RAB20: variants seen among roughly 807,000 people sequenced by gnomAD.
RAB20 encodes the protein ras-related protein Rab-20.
A neutral mutation model predicts 3.7 loss-of-function variants in RAB20; 2 were observed. The observed-to-expected ratio is 0.54, with a 90% confidence interval of 0.22 to 1.69. RAB20 has a LOEUF of 1.69. Ranked by LOEUF, RAB20 falls within the 40% of genes most tolerant of loss-of-function variation. The pLI, the probability that RAB20 is intolerant of heterozygous loss-of-function variation, is 0.19. For missense variants in RAB20, 276 were observed against 311.9 expected (o/e 0.88, Z 0.87); for synonymous variants, 126 against 130.8 (o/e 0.96, Z 0.25).
In RAB20 at chr13:110,523,960, G is replaced by A; in HGVS notation, c.410C>T (p.Ala137Val). The A allele has an allele frequency of 6.2e-7, 1 of 1,614,190 alleles. No homozygotes were observed. The highest frequency in any genetic ancestry group is 8.5e-7 in the Non-Finnish European group (1 of 1,180,046). ...TGCCCTTGGGGAGACACGGTCCCCAGCGTCCATATTGGGACTGCACTCTTC... is the reference window on the plus strand; with the variant it reads ...TGCCCTTGGGGAGACACGGTCCCCAACGTCCATATTGGGACTGCACTCTTC... ...EKEECSPNMD[A>V]GDRVSPRAPK... The change falls in exon 2 of 2, where the codon GCT becomes GTT. Residue 137 changes from alanine to valine, a missense_variant. Coordinates refer to ENST00000267328, the MANE Select transcript of RAB20 (RefSeq NM_017817.3).
intron 1 of RAB20, among the ~76,000 whole-genome samples, chr13:110,546,258 G>A (rs1884847592): frequency 6.6e-6 from 1 of 152,154 alleles, no homozygotes; most frequent in Admixed American, 6.5e-5. Context: ...AACTGTCCCT[G>A]GAAATAAGGT....
At chr13:110,553,543 A>G (rs1594139248) in intron 1 of RAB20, among the ~76,000 whole-genome samples, 1 of 152,164 alleles carries the variant, frequency 6.6e-6, no homozygotes, top group African/African-American at 2.4e-5. Flanking sequence ...CAATGACTCA[A>G]CTCTGCCATT....
chr13:110,527,294 T>G (rs1370187435), intron 1 of RAB20, among the ~76,000 whole-genome samples: 6 of 151,570 alleles, frequency 4.0e-5, no homozygotes, highest in Non-Finnish European at 8.8e-5. Flanking sequence ...CACACACTCA[T>G]GTCCTGTGAG....
At chr13:110,559,545 G>A (rs184608686) in intron 1 of RAB20, among the ~76,000 whole-genome samples, 26 of 152,330 alleles carry the variant, frequency 1.7e-4, no homozygotes, top group African/African-American at 6.0e-4. Context: ...GGCAAGGGCC[G>A]CCTGAGTGTG....
At chr13:110,531,773 G>C (rs1360981298) in intron 1 of RAB20, among the ~76,000 whole-genome samples, 1 of 152,184 alleles carries the variant, frequency 6.6e-6, no homozygotes, top group Non-Finnish European at 1.5e-5. Flanking sequence ...GGGCGCTTTT[G>C]CAGTGGACCA....
intron 1 of RAB20, among the ~76,000 whole-genome samples, chr13:110,535,464 G>A (rs1884623597): frequency 1.3e-5 from 2 of 152,242 alleles, no homozygotes; most frequent in South Asian, 4.1e-4. Flanking sequence ...CACTTCGTGG[G>A]TCACGTCTTC....
chr13:110,549,777 G>C (rs1884919522), intron 1 of RAB20, among the ~76,000 whole-genome samples: 1 of 151,530 alleles, frequency 6.6e-6, no homozygotes, highest in Non-Finnish European at 1.5e-5. Context: ...CTGGAGTGCA[G>C]TGGCACAATC....
intron 1 of RAB20, among the ~76,000 whole-genome samples, chr13:110,553,155 AG>A (rs1379561260): frequency 3.3e-5 from 5 of 152,244 alleles, no homozygotes; most frequent in Non-Finnish European, 7.3e-5. Context: ...CGAAGTCCTC[AG>A]TAGAGGTGAC....
chr13:110,536,884 C>T (rs1448358850), intron 1 of RAB20, among the ~76,000 whole-genome samples: 1 of 150,528 alleles, frequency 6.6e-6, no homozygotes, highest in Non-Finnish European at 1.5e-5. Context: ...CACCCATTAA[C>T]TCATCATTTA....
chr13:110,531,909 C>T (rs2025905), intron 1 of RAB20, among the ~76,000 whole-genome samples: 2 of 152,048 alleles, frequency 1.3e-5, no homozygotes, highest in Non-Finnish European at 2.9e-5. Flanking sequence ...GAAGTCAGCA[C>T]CCACAGTAAT....
Position 110,561,595 on chromosome 13 carries a change from G to T in RAB20, c.-76C>A. On this transcript the variant is annotated 5_prime_UTR_variant, in exon 1 of 2. Transcript: ENST00000267328. Reference sequence around the variant, plus strand: ...GGCTCGTGCGCCCTGGGCGCAGCTGGAGGAGCGGACCCCGGACTCGCCGGG... The same window carrying T: ...GGCTCGTGCGCCCTGGGCGCAGCTGTAGGAGCGGACCCCGGACTCGCCGGG... 1 of 1,492,194 alleles carries T rather than the reference G, an allele frequency of 6.7e-7. No individual in the cohort carries two copies. Among genetic ancestry groups the T allele is most frequent in the Non-Finnish European group, 8.9e-7 (1 of 1,124,138 alleles). The allele number at this position is 1,492,194 out of a possible 1,614,324, so 92.4% of individuals were successfully genotyped here.
intron 1 of RAB20, among the ~76,000 whole-genome samples, chr13:110,533,668 C>G (rs149907779): frequency 5.6e-4 from 86 of 152,222 alleles, no homozygotes; most frequent in African/African-American, 2.0e-3. Flanking sequence ...GCCCGGGCAG[C>G]AGAGCAAGAC....
chr13:110,550,618 T>C (rs57117787), intron 1 of RAB20, among the ~76,000 whole-genome samples: 3,351 of 152,282 alleles, frequency 0.022, 123 homozygotes, highest in African/African-American at 0.076. Flanking sequence ...GTGTCAATGA[T>C]GGCTGTGGCG....
In RAB20 at chr13:110,548,432, C is replaced by T. The variant is rs149022193; in HGVS notation, c.172+12916G>A. On this transcript the variant is annotated intron_variant, in intron 1 of 1. Coordinates refer to ENST00000267328, the MANE Select transcript of RAB20 (RefSeq NM_017817.3). The stretch of plus-strand genomic sequence containing the variant: ...CTGGGAGGTGGAGGTTGCAGTGAGC[C>T]GAGATCACACCACTGTACTCCAGCC... Among the ~76,000 whole-genome samples the T allele has an allele frequency of 4.1e-3, 612 of 150,926 alleles. 3 individuals are homozygous for T. The highest frequency in any genetic ancestry group is 0.014 in the African/African-American group (580 of 41,056).
At position 110,552,570 on chromosome 13, in the gene RAB20, G is replaced by A. The variant is rs574997850; in HGVS notation, c.172+8778C>T. 2.1e-5 allele frequency among the ~76,000 whole-genome samples: 3 copies of A among 144,838 alleles called. No homozygotes were observed. The South Asian group carries it at 6.7e-4, about 32-fold the overall frequency. On this transcript the variant is annotated intron_variant, in intron 1 of 1. Coordinates refer to ENST00000267328, the MANE Select transcript of RAB20 (RefSeq NM_017817.3). ...TAGCTGGGCGCGGTGGCGGGCGCCT[G>A]TAGTCCCAGCTACTCAGGAGGCTGA... is the stretch of plus-strand genomic sequence containing the variant.
chr13:110,523,548 T>C lies in RAB20; in HGVS notation c.*117A>G, dbSNP rs1348995854. On this transcript the variant is annotated 3_prime_UTR_variant, in exon 2 of 2. Transcript: ENST00000267328. ...CATCATTTCCACTCCAACATTCTGC[T>C]GCGGGTGTCATTCTGGAAAATAATT... is the stretch of plus-strand genomic sequence containing the variant. 8.1e-6 allele frequency: 12 copies of C among 1,475,436 alleles called. No homozygotes were observed. The highest frequency in any genetic ancestry group is 9.0e-7 in the Non-Finnish European group (1 of 1,110,872). The allele number at this position is 1,475,436 out of a possible 1,614,324, so 91.4% of individuals were successfully genotyped here. A position where few individuals can be genotyped will look rare whatever the true frequency, so the allele number is the denominator to read the frequency against.
intron 1 of RAB20, among the ~76,000 whole-genome samples, chr13:110,551,918 CAAAA>C (rs3074410): frequency 3.0e-5 from 3 of 100,968 alleles, no homozygotes; most frequent in African/African-American, 3.1e-5. Context: ...CCTGTCTCTA[CAAAA>C]AAAAAAAAAA....
intron 1 of RAB20, among the ~76,000 whole-genome samples, chr13:110,546,564 C>T (rs912731176): frequency 2.8e-4 from 43 of 152,160 alleles, no homozygotes; most frequent in Admixed American, 1.0e-3. Flanking sequence ...TTGATGCACT[C>T]AGCGGCTCTG....
At chr13:110,538,083 T>C (rs547446752) in intron 1 of RAB20, among the ~76,000 whole-genome samples, 108 of 151,022 alleles carry the variant, frequency 7.2e-4, no homozygotes, top group Non-Finnish European at 1.2e-3. Flanking sequence ...CTACAGAAAA[T>C]ACAAAAATCA....
Sources: allele counts gnomAD v4.1 joint callset (sites outside exome capture counted in the v4.1 genomes callset), GRCh38; gene constraint gnomAD v4.1.1; transcripts MANE v1.5; gene names NCBI Gene and HGNC (gene_info 2026-07-23, HGNC 2026-07-21).